Variants in NKAIN2 observed in about 807,000 individuals in gnomAD.
NKAIN2 encodes the protein sodium/potassium transporting ATPase interacting 2.
NKAIN2 carries 14 observed loss-of-function variants against 32.6 expected under a neutral mutation model. That is an observed-to-expected ratio of 0.43 (90% CI 0.28 to 0.67). The LOEUF (loss-of-function observed/expected upper bound fraction) is 0.67. Among genes scored for constraint, NKAIN2 ranks in the 30% least tolerant of loss-of-function variants. The probability of loss-of-function intolerance (pLI) is 0.17; values close to 1 mark genes in which losing one functional copy is unlikely to be tolerated. For missense variants in NKAIN2, 198 were observed against 258.3 expected, an observed-to-expected ratio of 0.77 and a Z score of 1.60; for synonymous variants, 80 against 87.2, an observed-to-expected ratio of 0.92 and a Z score of 0.46.
At chr6:124,012,481 G>A (rs532535854) in intron 1 of NKAIN2, among the ~76,000 whole-genome samples, 9 of 151,810 alleles carry the variant, frequency 5.9e-5, no homozygotes, top group East Asian at 1.9e-4. Flanking sequence ...GACTACAGGC[G>A]CCTGCCACCA....
At chr6:124,286,671 T>TGC (rs1399784084) in intron 2 of NKAIN2, among the ~76,000 whole-genome samples, 5 of 123,748 alleles carry the variant, frequency 4.0e-5, no homozygotes, top group Non-Finnish European at 7.7e-5. Context: ...TGTGTGTGTG[T>TGC]GTGCGCGCGC....
chr6:124,103,648 C>T (rs1294886136), intron 1 of NKAIN2, among the ~76,000 whole-genome samples: 2 of 152,062 alleles, frequency 1.3e-5, no homozygotes, highest in Non-Finnish European at 1.5e-5. Flanking sequence ...ATCATTATAC[C>T]ACTTTTTAAG....
At chr6:124,437,879 T>A (rs764412048) in intron 3 of NKAIN2, 15 of 408,238 alleles carry the variant, frequency 3.7e-5, no homozygotes, top group South Asian at 2.7e-4. Context: ...TTGATTTTTT[T>A]TTTTTTTTTT....
chr6:124,211,495 T>G (rs1207687652), intron 1 of NKAIN2, among the ~76,000 whole-genome samples: 3 of 151,922 alleles, frequency 2.0e-5, no homozygotes, highest in Non-Finnish European at 4.4e-5. Context: ...AAAATTGAGT[T>G]TGACAGTAGA....
At position 124,488,879 on chromosome 6, in the gene NKAIN2, A is replaced by G. The variant is rs113676307; in HGVS notation, c.273+133532A>G. Among the ~76,000 whole-genome samples the G allele has an allele frequency of 2.4e-3, 360 of 152,080 alleles. 6 individuals carry two copies. The highest frequency in any genetic ancestry group is 7.6e-3 in the African/African-American group (315 of 41,568). The stretch of plus-strand genomic sequence containing the variant: ...GTGATGGTTTCCCCAGGGCATTATC[A>G]TGGAAATTAGAAGGAGGTGCTTTTT... On this transcript the variant is annotated intron_variant, in intron 3 of 6. Transcript: ENST00000368417.
intron 3 of NKAIN2, among the ~76,000 whole-genome samples, chr6:124,541,128 TAC>T (rs111347945): frequency 6.6e-6 from 1 of 152,000 alleles, no homozygotes; most frequent in Non-Finnish European, 1.5e-5. Context: ...TACACACATA[TAC>T]ACACACACAC....
intron 1 of NKAIN2, among the ~76,000 whole-genome samples, chr6:123,986,348 C>T (rs1452076371): frequency 1.3e-5 from 2 of 152,064 alleles, no homozygotes; most frequent in African/African-American, 2.4e-5. Flanking sequence ...TAGAAGGGCC[C>T]ACAGGAATAT....
intron 4 of NKAIN2, among the ~76,000 whole-genome samples, chr6:124,734,125 T>C (rs912998538): frequency 1.4e-5 from 2 of 142,946 alleles, no homozygotes; most frequent in African/African-American, 5.2e-5. Context: ...AAAAACAAAC[T>C]GAAAAACAGG....
intron 4 of NKAIN2, among the ~76,000 whole-genome samples, chr6:124,692,476 G>C (rs1246780344): frequency 6.6e-6 from 1 of 152,026 alleles, no homozygotes; most frequent in African/African-American, 2.4e-5. Flanking sequence ...TCACTCAGAA[G>C]TTTTATTATT....
At chr6:124,491,804 G>A (rs531773511) in intron 3 of NKAIN2, among the ~76,000 whole-genome samples, 7 of 152,040 alleles carry the variant, frequency 4.6e-5, no homozygotes, top group African/African-American at 1.7e-4. Context: ...ATTAGTGACA[G>A]CCTATGAAAT....
intron 3 of NKAIN2, among the ~76,000 whole-genome samples, chr6:124,398,085 G>A (rs62436278): frequency 0.013 from 1,910 of 151,144 alleles, 19 homozygotes; most frequent in South Asian, 0.036. Flanking sequence ...AACCCCATCT[G>A]TACTAAAACT....
intron 3 of NKAIN2, among the ~76,000 whole-genome samples, chr6:124,613,312 A>G (rs9491202): frequency 0.18 from 28,057 of 152,058 alleles, 2,907 homozygotes; most frequent in African/African-American, 0.28. Flanking sequence ...CTTCCTGCTC[A>G]CCAAGCTACC....
chr6:123,941,466 T>A (rs1200979739), intron 1 of NKAIN2, among the ~76,000 whole-genome samples: 1 of 151,906 alleles, frequency 6.6e-6, no homozygotes, highest in Non-Finnish European at 1.5e-5. Context: ...CACAAACACA[T>A]GAGTAATGCC....
rs1044456970 is a variant in NKAIN2, at chr6:124,658,667, C to T, written c.474+281C>T. 7.4e-6 allele frequency: 5 copies of T among 675,184 alleles called. No individual in the cohort carries two copies. In the South Asian group the frequency reaches 7.7e-5, roughly 10 times the overall value. 41.8% of individuals were successfully genotyped at this position (675,184 alleles called of 1,614,324 possible). On this transcript the variant is annotated intron_variant, in intron 4 of 6. Coordinates refer to ENST00000368417, the MANE Select transcript of NKAIN2 (RefSeq NM_001040214.3). ...ATGTGATTACGTGACTTTTGGTAGA[C>T]TTTTCCAAGGATTCTGAAGGGATGA...
chr6:123,919,160 T>G (rs1256758734), intron 1 of NKAIN2, among the ~76,000 whole-genome samples: 1 of 152,156 alleles, frequency 6.6e-6, no homozygotes. Context: ...TTATAATTAT[T>G]TGTGAATTGT....
intron 1 of NKAIN2, among the ~76,000 whole-genome samples, chr6:124,121,243 CAG>C (rs1233517546): frequency 6.6e-6 from 1 of 151,934 alleles, no homozygotes; most frequent in East Asian, 1.9e-4. Context: ...AAAAATATGA[CAG>C]AGTGTTGAGA....
intron 3 of NKAIN2, among the ~76,000 whole-genome samples, chr6:124,458,880 G>T (rs1056703097): frequency 4.6e-5 from 7 of 151,848 alleles, no homozygotes; most frequent in Admixed American, 6.6e-5. Flanking sequence ...AGTAAATGCA[G>T]AAAATGGGAG....
At chr6:124,220,476 T>C (rs922972846) in intron 1 of NKAIN2, among the ~76,000 whole-genome samples, 9 of 151,698 alleles carry the variant, frequency 5.9e-5, no homozygotes, top group East Asian at 5.8e-4. Flanking sequence ...TTTGGGGCCA[T>C]TTAAGTTATT....
intron 1 of NKAIN2, among the ~76,000 whole-genome samples, chr6:123,960,728 G>A (rs1777806804): frequency 6.6e-6 from 1 of 151,782 alleles, no homozygotes; most frequent in Non-Finnish European, 1.5e-5. Flanking sequence ...ATGTTTGTAT[G>A]TGGTAGAGGG....
Sources: gnomAD v4.1 joint callset for allele counts (sites outside exome capture counted in the v4.1 genomes callset) on GRCh38, gnomAD v4.1.1 for gene constraint, MANE v1.5 for transcripts, NCBI Gene and HGNC (gene_info 2026-07-23, HGNC 2026-07-21) for gene names.